The following PCDHGA2 variants were observed in gnomAD, a reference collection of about 807,000 sequenced individuals.
PCDHGA2 encodes protocadherin gamma subfamily A, 2.
A neutral mutation model predicts 59.2 loss-of-function variants in PCDHGA2; 40 were observed. The ratio of observed to expected loss-of-function variants is 0.68; its 90% CI spans 0.52 to 0.88. The LOEUF is 0.88. PCDHGA2 is among the 40% of genes least tolerant of loss of function. PCDHGA2 has a pLI of 0.00. For missense variants in PCDHGA2, 1,226 were observed against 1,204.0 expected (o/e 1.02, Z -0.27); for synonymous variants, 560 against 526.0 (o/e 1.06, Z -0.89).
chr5:141,399,030 G>C, intron 1 of PCDHGA2: 1 of 1,613,824 alleles, frequency 6.2e-7, no homozygotes, highest in Non-Finnish European at 8.5e-7. Flanking sequence ...CCACTCAAAA[G>C]AAACTGGATT....
intron 1 of PCDHGA2, among the ~76,000 whole-genome samples, chr5:141,483,755 G>A (rs2099586573): frequency 6.6e-6 from 1 of 152,130 alleles, no homozygotes. Flanking sequence ...TGAGGATCGA[G>A]GCTTGGAAAA....
intron 2 of PCDHGA2, among the ~76,000 whole-genome samples, chr5:141,495,507 C>T (rs1380258502): frequency 6.6e-6 from 1 of 152,188 alleles, no homozygotes; most frequent in African/African-American, 2.4e-5. Context: ...TCCGTCTTTG[C>T]CACTTTCTCT....
intron 1 of PCDHGA2, among the ~76,000 whole-genome samples, chr5:141,457,594 TA>T (rs1239366532): frequency 6.6e-6 from 1 of 152,250 alleles, no homozygotes; most frequent in Non-Finnish European, 1.5e-5. Flanking sequence ...TCATTTTTGG[TA>T]AAAACTAATT....
intron 1 of PCDHGA2, among the ~76,000 whole-genome samples, chr5:141,434,766 A>T (rs1383531828): frequency 1.3e-5 from 2 of 151,012 alleles, no homozygotes; most frequent in Non-Finnish European, 3.0e-5. Context: ...CCCACTTCAC[A>T]CTTCTAAAAA....
rs1588448026 is a variant in PCDHGA2 at position 141,340,198 on chromosome 5, C to T, written c.1227C>T (p.Ala409=). 6.2e-7 allele frequency: 1 copy of T among 1,614,156 alleles called. No individual in the cohort carries two copies. Among genetic ancestry groups the T allele is most frequent in the East Asian group, 2.2e-5 (1 of 44,878 alleles). ...ACTACCGACTGGTTACAACCAGAGC[C>T]CTTGACAGGGAACAGTTTTCCTTTT... is the stretch of plus-strand genomic sequence containing the variant. ...DNYYRLVTTR[A]LDREQFSFYN... is the part of the protein sequence containing the mutation. Residue 409 remains alanine (A), a synonymous_variant, in exon 1 of 4, where the codon GCC becomes GCT. Coordinates refer to ENST00000394576, the MANE Select transcript of PCDHGA2 (RefSeq NM_018915.4).
intron 1 of PCDHGA2, among the ~76,000 whole-genome samples, chr5:141,434,746 C>T (rs1591345130): frequency 6.6e-6 from 1 of 151,796 alleles, no homozygotes; most frequent in South Asian, 2.1e-4. Context: ...GGCTATGAGA[C>T]CCCTGATTCC....
At chr5:141,494,524 C>T (rs2099754936) in intron 1 of PCDHGA2, among the ~76,000 whole-genome samples, 1 of 152,156 alleles carries the variant, frequency 6.6e-6, no homozygotes, top group African/African-American at 2.4e-5. Flanking sequence ...GGAGTTCTGA[C>T]TCTGGGGGCA....
intron 1 of PCDHGA2, among the ~76,000 whole-genome samples, chr5:141,464,886 A>T (rs541933775): frequency 5.2e-4 from 79 of 152,156 alleles, no homozygotes; most frequent in African/African-American, 1.9e-3. Flanking sequence ...CTACAGATGG[A>T]TGCCACCATG....
chr5:141,458,404 G>A lies in PCDHGA2; in HGVS notation c.2425-36403G>A, dbSNP rs183963289. Among the ~76,000 whole-genome samples the A allele has an allele frequency of 4.6e-5, 7 of 152,218 alleles. No homozygotes were observed. The East Asian group carries it at 5.8e-4, about 13-fold the overall frequency. ...GGAAGACGCTCCCCCTTGCAGAGAC[G>A]GAGCGGGGGTTCCAAAGCTGAAAGA... On this transcript the variant is annotated intron_variant, in intron 1 of 3. Transcript: ENST00000394576.
rs370792537 is a variant in PCDHGA2 at position 141,370,669 on chromosome 5, G to A, written c.2424+29274G>A. ...TTACTTGTGAGCGACCGTATAGACC[G>A]AGAGGAGATTTGTGGCAAGAAGTCG... is the stretch of plus-strand genomic sequence containing the variant. On this transcript the variant is annotated intron_variant, in intron 1 of 3. Coordinates refer to ENST00000394576, the MANE Select transcript of PCDHGA2 (RefSeq NM_018915.4). The A allele has an allele frequency of 5.6e-6, 9 of 1,613,788 alleles. No homozygotes were observed. In the East Asian group the frequency reaches 1.1e-4, roughly 20 times the overall value.
chr5:141,347,638 T>G (rs1249660498), intron 1 of PCDHGA2, among the ~76,000 whole-genome samples: 6 of 151,906 alleles, frequency 3.9e-5, no homozygotes. Flanking sequence ...AATACAAAAA[T>G]TAGCTGGGCA....
rs1756901233 is a variant in PCDHGA2 at position 141,340,035 on chromosome 5, C to T, written c.1064C>T (p.Ser355Leu). 6.2e-7 allele frequency: 1 copy of T among 1,614,142 alleles called. No individual in the cohort carries two copies. Among genetic ancestry groups the T allele is most frequent in the Non-Finnish European group, 8.5e-7 (1 of 1,180,028 alleles). ...PEFYMTSATS[S>L]VSEDSLPGTI... ...TTTTACATGACATCTGCTACTAGCT[C>T]AGTTTCTGAAGACTCTCTTCCAGGA... Residue 355 changes from serine (S) to leucine (L), a missense_variant, in exon 1 of 4, where the codon TCA becomes TTA. By Grantham distance (145) the Ser-to-Leu change is moderately radical (BLOSUM62 -2). Coordinates refer to ENST00000394576, the MANE Select transcript of PCDHGA2 (RefSeq NM_018915.4).
At chr5:141,500,866 A>C (rs576713520) in intron 2 of PCDHGA2, among the ~76,000 whole-genome samples, 1 of 146,112 alleles carries the variant, frequency 6.8e-6, no homozygotes, top group Non-Finnish European at 1.5e-5. Context: ...AAACATACAC[A>C]TTCATTTACA....
rs2099692814 is a variant in PCDHGA2 at position 141,489,840 on chromosome 5, G to A, written c.2425-4967G>A. 6.2e-7 allele frequency: 1 copy of A among 1,614,190 alleles called. No individual in the cohort carries two copies. The highest frequency in any genetic ancestry group is 8.5e-7 in the Non-Finnish European group (1 of 1,179,990). On this transcript the variant is annotated intron_variant, in intron 1 of 3. Coordinates refer to ENST00000394576, the MANE Select transcript of PCDHGA2 (RefSeq NM_018915.4). The surrounding 1 kb of genome is among the most constrained non-coding windows in gnomAD (Gnocchi z 4.5). ...CAGAGCTGGTGCTAGAGCAGCAGCT[G>A]GATCGTGAAGCCCAGGCAAGACATC... is the stretch of plus-strand genomic sequence containing the variant.
intron 1 of PCDHGA2, chr5:141,383,294 G>C: frequency 6.2e-7 from 1 of 1,613,938 alleles, no homozygotes; most frequent in Non-Finnish European, 8.5e-7. Flanking sequence ...AACGTTCCAA[G>C]ATTCTTGACG....
At chr5:141,399,971 T>C in intron 1 of PCDHGA2, 1 of 1,612,208 alleles carries the variant, frequency 6.2e-7, no homozygotes, top group Non-Finnish European at 8.5e-7. Flanking sequence ...CTCTTCAGCC[T>C]GGGGCTGCGC....
At chr5:141,355,086 G>A (rs1759710362) in intron 1 of PCDHGA2, 1 of 1,449,620 alleles carries the variant, frequency 6.9e-7, no homozygotes, top group Non-Finnish European at 9.2e-7. Context: ...TCAAGCGGAA[G>A]CCCTGAGAGC....
At chr5:141,394,991 G>C (rs1282662717) in intron 1 of PCDHGA2, 1 of 1,614,012 alleles carries the variant, frequency 6.2e-7, no homozygotes, top group East Asian at 2.2e-5. Flanking sequence ...GCCTGCTCCA[G>C]GATTCCGGTG....
At chr5:141,457,802 T>C (rs1332412750) in intron 1 of PCDHGA2, among the ~76,000 whole-genome samples, 1 of 152,210 alleles carries the variant, frequency 6.6e-6, no homozygotes, top group Non-Finnish European at 1.5e-5. Context: ...TCCTCTCCTC[T>C]TGAGGTCCCA....
Sources: allele counts gnomAD v4.1 joint callset (sites outside exome capture counted in the v4.1 genomes callset), GRCh38; gene constraint gnomAD v4.1.1; non-coding constraint Gnocchi (gnomAD v3.1); transcripts MANE v1.5; gene names NCBI Gene and HGNC (gene_info 2026-07-23, HGNC 2026-07-21).